Variants in SEC31A observed in about 807,000 individuals in gnomAD.
SEC31A encodes protein transport protein Sec31A.
SEC31A carries 70 observed loss-of-function variants against 151.0 expected under a neutral mutation model. The observed-to-expected ratio is 0.46, with a 90% confidence interval of 0.38 to 0.57. The LOEUF (loss-of-function observed/expected upper bound fraction) is 0.57, where lower values mean the gene tolerates loss of function less well. Ranked by LOEUF, SEC31A falls within the 20% of genes least tolerant of loss-of-function variation. The probability of loss-of-function intolerance (pLI) is 0.00; values close to 1 mark genes in which losing one functional copy is unlikely to be tolerated. For synonymous variants in SEC31A, 475 were observed against 505.9 expected (o/e 0.94, Z 0.82); for missense variants, 1,330 against 1,471.2 (o/e 0.90, Z 1.57).
chr4:82,848,880 AGCT>A lies in SEC31A; in HGVS notation c.2423_2425del (p.Gln808del). On this transcript the variant is annotated inframe_deletion, in exon 20 of 27. Transcript: ENST00000395310. The stretch of plus-strand genomic sequence containing the variant: ...AACTGGTCCAGGCCTGCCCTTGGGG[AGCT>A]GCTGTTTCTCGTACGGAATTTTAGG... The A allele has an allele frequency of 6.2e-7, 1 of 1,613,992 alleles. No homozygotes were observed. Among genetic ancestry groups the A allele is most frequent in the Non-Finnish European group, 8.5e-7 (1 of 1,179,988 alleles).
chr4:82,832,863 T>TCACTGTAA (rs1273857866), intron 22 of SEC31A, among the ~76,000 whole-genome samples: 5 of 152,182 alleles, frequency 3.3e-5, no homozygotes, highest in African/African-American at 1.2e-4. Flanking sequence ...AGATACTATC[T>TCACTGTAA]CACGCCAGTT....
At chr4:82,892,322 G>A (rs969643182), upstream of SEC31A, among the ~76,000 whole-genome samples, 4 of 152,166 alleles carry the variant, frequency 2.6e-5, no homozygotes, top group African/African-American at 4.8e-5. Context: ...CATTTCAACC[G>A]CAAGCAGCTT....
chr4:82,857,621 T>C (rs1732961515), intron 15 of SEC31A, 68 bp downstream of exon 15: 5 of 1,035,850 alleles, frequency 4.8e-6, no homozygotes, highest in Admixed American at 3.6e-5. Flanking sequence ...CATTTTAACT[T>C]AAATGCAGGA....
At chr4:82,886,258 T>A in intron 1 of SEC31A, among the ~76,000 whole-genome samples, 1 of 152,240 alleles carries the variant, frequency 6.6e-6, no homozygotes, top group African/African-American at 2.4e-5. Context: ...ATGTATCACA[T>A]GGTTAAAAGC....
chr4:82,870,788 C>T (rs991434674), intron 7 of SEC31A, among the ~76,000 whole-genome samples: 1 of 152,146 alleles, frequency 6.6e-6, no homozygotes, highest in African/African-American at 2.4e-5. Context: ...AACGTATATG[C>T]TATCTGATCA....
intron 14 of SEC31A, 60 bp from the exon 15 acceptor site, chr4:82,857,824 C>A (rs2149431091): frequency 1.8e-6 from 2 of 1,083,202 alleles, no homozygotes; most frequent in African/African-American, 1.6e-5. Flanking sequence ...GATTTACTGA[C>A]AAAAAAAATT....
At chr4:82,861,764 AT>A in intron 13 of SEC31A, 56 bp from the exon 14 acceptor site, 1 of 1,221,096 alleles carries the variant, frequency 8.2e-7, no homozygotes. Flanking sequence ...TTAAAAGGCT[AT>A]TAGTGAACCA....
rs190129171 is a variant in SEC31A, at chr4:82,849,405, G to A, written c.2329-428C>T. On this transcript the variant is annotated intron_variant, in intron 19 of 26. Coordinates refer to ENST00000395310, the MANE Select transcript of SEC31A (RefSeq NM_001077207.4). ...CGAGGCAGGCAGATCATGAGGTCAGGAGATCGAGACCATCCTGGCTAACAC... is the reference window on the plus strand; with the variant it reads ...CGAGGCAGGCAGATCATGAGGTCAGAAGATCGAGACCATCCTGGCTAACAC... Among the ~76,000 whole-genome samples the A allele has an allele frequency of 5.4e-3, 820 of 152,264 alleles. 8 individuals carry two copies. Among genetic ancestry groups the A allele is most frequent in the Non-Finnish European group, 9.1e-3 (620 of 68,022 alleles).
In SEC31A at chr4:82,853,649, T is replaced by C. The variant is rs746923819; in HGVS notation, c.2075A>G (p.Tyr692Cys). 26 of 1,603,030 alleles carry C rather than the reference T, an allele frequency of 1.6e-5. No homozygotes were observed. The highest frequency in any genetic ancestry group is 1.9e-5 in the Non-Finnish European group (22 of 1,177,042). The change falls in exon 18 of 27, where the codon TAT (tyrosine) becomes TGT (cysteine). Residue 692 changes from tyrosine to cysteine, a missense_variant. Physicochemically the swap from Tyr to Cys is radical, Grantham distance 194 (BLOSUM62 -2). Coordinates refer to ENST00000395310, the MANE Select transcript of SEC31A (RefSeq NM_001077207.4). ...TTTCTCTACATTCCCTGCACAAATA[T>C]AGCAGAGACATGCTTGAGTCTGCAG... ...SLLQTQACLC[Y>C]ICAGNVEKLV...
At position 82,874,626 on chromosome 4, in the gene SEC31A, A is replaced by G. The variant is rs1337466649; in HGVS notation, c.624T>C (p.Ser208=). Residue 208 remains serine, a synonymous_variant, in exon 6 of 27, where the codon AGT becomes AGC. Coordinates refer to ENST00000395310, the MANE Select transcript of SEC31A (RefSeq NM_001077207.4). Reference sequence around the variant, plus strand: ...ACATACTTACTCTGTTACTATGGTCACTGACTTTGATGATTGGCTCATTTT... The same window carrying G: ...ACATACTTACTCTGTTACTATGGTCGCTGACTTTGATGATTGGCTCATTTT... The part of the protein sequence containing the change: ...LRKNEPIIKV[S]DHSNRMHCSG... 1.2e-6 allele frequency: 2 copies of G among 1,609,832 alleles called. No individual in the cohort carries two copies. Among genetic ancestry groups the G allele is most frequent in the Non-Finnish European group, 1.7e-6 (2 of 1,179,300 alleles).
chr4:82,849,974 G>T (rs150360776), intron 19 of SEC31A, among the ~76,000 whole-genome samples: 1 of 151,926 alleles, frequency 6.6e-6, no homozygotes, highest in Non-Finnish European at 1.5e-5. Context: ...TTGCCTTTTG[G>T]GGGGGAGAAT....
Position 82,867,159 on chromosome 4 carries a change from T to A in SEC31A, c.1040A>T (p.Asp347Val). The change falls in exon 9 of 27, where the codon GAC becomes GTC. Residue 347 changes from aspartate (D) to valine (V), a missense_variant. Coordinates refer to ENST00000395310, the MANE Select transcript of SEC31A (RefSeq NM_001077207.4). ...AACTTTAACACTTCCTATTACCTTG[T>A]CAACTTGTTTCTGTCTTAAACCATC... ...STDGLRQKQV[D>V]KLSSSFGNLD... 1 of 1,612,934 alleles carries A rather than the reference T, an allele frequency of 6.2e-7. No homozygotes were observed. Among genetic ancestry groups the A allele is most frequent in the Non-Finnish European group, 8.5e-7 (1 of 1,179,152 alleles).
At chr4:82,829,148 G>A in intron 22 of SEC31A, 90 bp from the exon 23 acceptor site, 1 of 1,059,740 alleles carries the variant, frequency 9.4e-7, no homozygotes, top group Non-Finnish European at 1.4e-6. Flanking sequence ...TCAAAATTCT[G>A]CCTTAACCCT....
At chr4:82,887,498 G>A (rs1330330426) in intron 1 of SEC31A, among the ~76,000 whole-genome samples, 2 of 152,170 alleles carry the variant, frequency 1.3e-5, no homozygotes, top group Non-Finnish European at 2.9e-5. Context: ...TAAGAGCATG[G>A]GGTCTAGGGC....
At chr4:82,898,803 G>A (rs901805196) in intron 3 of SEC31A, among the ~76,000 whole-genome samples, 6 of 152,116 alleles carry the variant, frequency 3.9e-5, no homozygotes, top group Non-Finnish European at 7.4e-5. Flanking sequence ...CAGCCACTAG[G>A]GAAAATAATC....
chr4:82,821,167 G>T, intron 25 of SEC31A, 59 bp from the exon 26 acceptor site: 1 of 1,344,310 alleles, frequency 7.4e-7, no homozygotes, highest in Non-Finnish European at 1.1e-6. Flanking sequence ...CTAAGAACTT[G>T]CCCTATCTCA....
chr4:82,819,267 G>A lies in SEC31A; in HGVS notation c.3484-14C>T. On this transcript the variant is annotated splice_polypyrimidine_tract_variant and intron_variant, in intron 26 of 26. Coordinates refer to ENST00000395310, the MANE Select transcript of SEC31A (RefSeq NM_001077207.4). ...TGTTGGTGAAAGCTGAAACAAAAGT[G>A]AACCAAGAGAAAGAATTAAATTAAG... 1 of 1,537,544 alleles carries A rather than the reference G, an allele frequency of 6.5e-7. No homozygotes were observed. The highest frequency in any genetic ancestry group is 8.8e-7 in the Non-Finnish European group (1 of 1,140,294).
intron 2 of SEC31A, 114 bp from the exon 3 acceptor site, chr4:82,881,036 A>G: frequency 1.2e-6 from 1 of 843,906 alleles, no homozygotes; most frequent in Non-Finnish European, 1.9e-6. Flanking sequence ...AATGCTGCAC[A>G]TATGCCATTG....
chr4:82,837,293 T>C (rs948110574), intron 22 of SEC31A, among the ~76,000 whole-genome samples: 4 of 150,254 alleles, frequency 2.7e-5, no homozygotes, highest in Non-Finnish European at 5.9e-5. Context: ...CCTAAATTAA[T>C]AGTAGTTATA....
Sources: gnomAD v4.1 joint callset for allele counts (sites outside exome capture counted in the v4.1 genomes callset) on GRCh38, gnomAD v4.1.1 for gene constraint, MANE v1.5 for transcripts, NCBI Gene and HGNC (gene_info 2026-07-23, HGNC 2026-07-21) for gene names.